Variants in WWOX observed in about 807,000 individuals in gnomAD.
WWOX encodes the protein WW domain-containing oxidoreductase.
A neutral mutation model predicts 46.2 loss-of-function variants in WWOX; 69 were observed. The ratio of observed to expected loss-of-function variants is 1.49; its 90% CI spans 1.23 to 1.82. WWOX has a LOEUF of 1.82. Among genes scored for constraint, WWOX ranks in the 40% most tolerant of loss-of-function variants. The probability of loss-of-function intolerance (pLI) is 0.00; values close to 1 mark genes in which losing one functional copy is unlikely to be tolerated. For synonymous variants in WWOX, 359 were observed against 202.6 expected (o/e 1.77, Z -6.56); for missense variants, 919 against 542.6 (o/e 1.69, Z -6.89).
intron 8 of WWOX, among the ~76,000 whole-genome samples, chr16:79,187,459 G>A (rs548453264): frequency 1.4e-4 from 22 of 152,194 alleles, no homozygotes; most frequent in Admixed American, 3.3e-4. Context: ...GGAGTGCAGC[G>A]GCGTGATCTC....
At chr16:78,296,442 T>C (rs2079945439) in intron 5 of WWOX, among the ~76,000 whole-genome samples, 1 of 151,844 alleles carries the variant, frequency 6.6e-6, no homozygotes, top group South Asian at 2.1e-4. Context: ...AGCATTTATA[T>C]TGGCGCCTTC....
chr16:78,901,970 A>G (rs1023802824), intron 8 of WWOX, among the ~76,000 whole-genome samples: 2 of 152,182 alleles, frequency 1.3e-5, no homozygotes, highest in Non-Finnish European at 2.9e-5. Flanking sequence ...TTATGTGTGT[A>G]TTTCTAAGTG....
At chr16:78,994,017 C>G (rs1455557800) in intron 8 of WWOX, among the ~76,000 whole-genome samples, 1 of 152,166 alleles carries the variant, frequency 6.6e-6, no homozygotes, top group Non-Finnish European at 1.5e-5. Flanking sequence ...ACGAGGGTAC[C>G]CTGGACCCCT....
At chr16:79,165,241 C>T (rs914895850) in intron 8 of WWOX, among the ~76,000 whole-genome samples, 6 of 151,934 alleles carry the variant, frequency 3.9e-5, no homozygotes, top group African/African-American at 9.7e-5. Flanking sequence ...CTCATGGTAA[C>T]GGCTTCCGGC....
At chr16:79,207,997 T>C (rs1274527945) in intron 8 of WWOX, among the ~76,000 whole-genome samples, 1 of 152,206 alleles carries the variant, frequency 6.6e-6, no homozygotes, top group African/African-American at 2.4e-5. Context: ...GGGCCTCAAC[T>C]ATAAATAAAC....
intron 5 of WWOX, among the ~76,000 whole-genome samples, chr16:78,183,857 G>A (rs1006449622): frequency 1.3e-5 from 2 of 152,204 alleles, no homozygotes; most frequent in Admixed American, 6.5e-5. Context: ...CCTGGCTGCA[G>A]TGTTGGATTT....
At chr16:78,964,346 A>T (rs1184986568) in intron 8 of WWOX, among the ~76,000 whole-genome samples, 3 of 152,176 alleles carry the variant, frequency 2.0e-5, no homozygotes, top group African/African-American at 7.2e-5. Flanking sequence ...GTGGTCTCAG[A>T]TGGAGATGAG....
intron 8 of WWOX, among the ~76,000 whole-genome samples, chr16:79,069,394 A>G (rs763785023): frequency 6.6e-6 from 1 of 152,208 alleles, no homozygotes; most frequent in East Asian, 1.9e-4. Flanking sequence ...TTTCATTGAC[A>G]GACAGGACCT....
chr16:78,224,873 T>C (rs375673624), intron 5 of WWOX, among the ~76,000 whole-genome samples: 1 of 152,250 alleles, frequency 6.6e-6, no homozygotes, highest in African/African-American at 2.4e-5. Flanking sequence ...TATTTTTTAT[T>C]GATGTGTTAA....
intron 8 of WWOX, among the ~76,000 whole-genome samples, chr16:78,517,396 T>C (rs984750090): frequency 5.3e-5 from 7 of 132,516 alleles, no homozygotes; most frequent in African/African-American, 1.4e-4. Flanking sequence ...GAATGAGCAA[T>C]TGAAAATCAC....
At chr16:78,901,591 C>T (rs2044832465) in intron 8 of WWOX, among the ~76,000 whole-genome samples, 1 of 152,170 alleles carries the variant, frequency 6.6e-6, no homozygotes, top group South Asian at 2.1e-4. Context: ...AGACTCAAGT[C>T]ATCCTCCCAC....
chr16:78,423,843 CA>C (rs5818135), intron 6 of WWOX, among the ~76,000 whole-genome samples: 12,218 of 79,910 alleles, frequency 0.15, 530 homozygotes, highest in South Asian at 0.23. Context: ...AAGATCTTGT[CA>C]AAAAAAAAAA....
intron 8 of WWOX, among the ~76,000 whole-genome samples, chr16:78,592,391 T>C (rs1024045771): frequency 4.6e-5 from 7 of 152,126 alleles, no homozygotes; most frequent in Non-Finnish European, 8.8e-5. Context: ...TTCTCAGAAG[T>C]TCCTGTATTA....
At chr16:78,929,586 C>T (rs934258265) in intron 8 of WWOX, among the ~76,000 whole-genome samples, 2 of 152,080 alleles carry the variant, frequency 1.3e-5, no homozygotes, top group Admixed American at 1.3e-4. Context: ...ATTTATTGAG[C>T]CTGGTGGACA....
At chr16:79,091,301 C>G (rs773188730) in intron 8 of WWOX, among the ~76,000 whole-genome samples, 3 of 151,508 alleles carry the variant, frequency 2.0e-5, no homozygotes, top group Non-Finnish European at 2.9e-5. Context: ...TTTTTTCTCA[C>G]CTTTTGCTAT....
intron 8 of WWOX, among the ~76,000 whole-genome samples, chr16:79,027,685 C>G (rs1052066171): frequency 6.6e-6 from 1 of 151,860 alleles, no homozygotes; most frequent in Non-Finnish European, 1.5e-5. Flanking sequence ...CTTGGAGATA[C>G]TTATCTCCTC....
chr16:78,776,534 T>C (rs1418267344), intron 8 of WWOX, among the ~76,000 whole-genome samples: 2 of 152,204 alleles, frequency 1.3e-5, no homozygotes, highest in Non-Finnish European at 2.9e-5. Context: ...GATGACCTGT[T>C]TAGCAGCAGC....
intron 4 of WWOX, among the ~76,000 whole-genome samples, chr16:78,141,875 G>A (rs2034000887): frequency 6.6e-6 from 1 of 151,922 alleles, no homozygotes; most frequent in African/African-American, 2.4e-5. Context: ...AAAAAATTCA[G>A]TTACTGACAG....
At chr16:78,514,201 T>G (rs551947777) in intron 8 of WWOX, among the ~76,000 whole-genome samples, 2 of 152,336 alleles carry the variant, frequency 1.3e-5, no homozygotes, top group Non-Finnish European at 2.9e-5. Context: ...GTCTATGTTA[T>G]AGAACATTCT....
Sources: allele counts gnomAD v4.1 joint callset (sites outside exome capture counted in the v4.1 genomes callset), GRCh38; gene constraint gnomAD v4.1.1; transcripts MANE v1.5; gene names NCBI Gene and HGNC (gene_info 2026-07-23, HGNC 2026-07-21).